CIITA: variants seen among roughly 807,000 people sequenced by gnomAD.
CIITA encodes the protein MHC class II transactivator.
A neutral mutation model predicts 115.1 loss-of-function variants in CIITA; 72 were observed. That is an observed-to-expected ratio of 0.63 (90% CI 0.52 to 0.76). The LOEUF (loss-of-function observed/expected upper bound fraction) is 0.76, where lower values mean the gene tolerates loss of function less well. Ranked by LOEUF, CIITA falls within the 30% of genes least tolerant of loss-of-function variation. The pLI is 0.00. For missense variants in CIITA, 1,617 were observed against 1,463.8 expected (o/e 1.10, Z -1.71); for synonymous variants, 763 against 635.6 (o/e 1.20, Z -3.02).
chr16:10,882,723 C>T (rs1385425104), intron 1 of CIITA, among the ~76,000 whole-genome samples: 1 of 152,000 alleles, frequency 6.6e-6, no homozygotes, highest in African/African-American at 2.4e-5. Context: ...CATGGTGAAA[C>T]ACCGTCTCTC....
intron 1 of CIITA, among the ~76,000 whole-genome samples, chr16:10,893,349 G>C (rs2037787580): frequency 6.6e-6 from 1 of 152,146 alleles, no homozygotes; most frequent in Non-Finnish European, 1.5e-5. Flanking sequence ...AGGAGCCTTA[G>C]AGCCACACAG....
At chr16:10,866,905 T>G (rs916600652) in intron 1 of CIITA, among the ~76,000 whole-genome samples, 3 of 152,186 alleles carry the variant, frequency 2.0e-5, no homozygotes, top group Non-Finnish European at 4.4e-5. Context: ...AGGGGTCTGC[T>G]GTCTAGTGGG....
rs573165189 is a variant in CIITA at position 10,868,784 on chromosome 16, G to A, written c.-21+2465G>A. 3.9e-5 allele frequency among the ~76,000 whole-genome samples: 6 copies of A among 152,268 alleles called. No homozygotes were observed. In the South Asian group the frequency reaches 1.0e-3, roughly 26 times the overall value. On this transcript the variant is annotated intron_variant, in intron 1 of 5. Coordinates refer to the CIITA transcript ENST00000636238. ...TATTTAACTCTGTTTCCTCCCTCGG[G>A]AGGTAATATATTTATTTCTGATCCC...
chr16:10,895,419 C>T lies in CIITA; in HGVS notation c.190C>T (p.Leu64Phe), dbSNP rs2144284508. The T allele has an allele frequency of 3.1e-6, 5 of 1,613,764 alleles. No individual in the cohort carries two copies. Among genetic ancestry groups the T allele is most frequent in the Non-Finnish European group, 4.2e-6 (5 of 1,180,010 alleles). Residue 64 changes from leucine to phenylalanine, a missense_variant, in exon 2 of 20, where the codon CTC becomes TTC. Leu to Phe is a conservative substitution (Grantham distance 22, BLOSUM62 0). Transcript: ENST00000324288. ...MDLAGEEEIELYSEPDTDTIN... is the reference protein window; with the variant it reads ...MDLAGEEEIEFYSEPDTDTIN... Reference sequence around the variant, plus strand: ...CCTGGCTGGAGAAGAAGAGATTGAGCTCTACTCAGGTGGGCCCTCCTCCCT... The same window carrying T: ...CCTGGCTGGAGAAGAAGAGATTGAGTTCTACTCAGGTGGGCCCTCCTCCCT...
chr16:10,885,095 T>G (rs1398633319), intron 1 of CIITA, among the ~76,000 whole-genome samples: 1 of 152,174 alleles, frequency 6.6e-6, no homozygotes, highest in African/African-American at 2.4e-5. Context: ...GTAACAATTG[T>G]GTGTACTCTA....
chr16:10,885,491 T>G (rs2143829406), intron 1 of CIITA, among the ~76,000 whole-genome samples: 1 of 152,326 alleles, frequency 6.6e-6, no homozygotes, highest in South Asian at 2.1e-4. Flanking sequence ...CCGTCTCCTG[T>G]GACCTCCTCG....
At chr16:10,909,269 C>T in intron 12 of CIITA, 82 bp downstream of exon 12, 2 of 1,441,922 alleles carry the variant, frequency 1.4e-6, no homozygotes, top group Non-Finnish European at 9.7e-7. Context: ...TTGTCATGGG[C>T]ATTTCCAGTG....
Position 10,895,418 on chromosome 16 carries a change from G to A in CIITA, c.189G>A (p.Glu63=). Residue 63 remains glutamate, a synonymous_variant, in exon 2 of 20, where the codon GAG becomes GAA. Coordinates refer to ENST00000324288, the MANE Select transcript of CIITA (RefSeq NM_000246.4). ...QMDLAGEEEI[E]LYSEPDTDTI... is the part of the protein sequence containing the mutation. ...ACCTGGCTGGAGAAGAAGAGATTGA[G>A]CTCTACTCAGGTGGGCCCTCCTCCC... The A allele has an allele frequency of 1.2e-6, 2 of 1,613,712 alleles. No individual in the cohort carries two copies. Among genetic ancestry groups the A allele is most frequent in the Non-Finnish European group, 8.5e-7 (1 of 1,180,026 alleles).
In CIITA at chr16:10,927,738, G is replaced by C. The variant is rs2040591718; in HGVS notation, c.*3883G>C. On this transcript the variant is annotated 3_prime_UTR_variant, in exon 20 of 20. Coordinates refer to ENST00000324288, the MANE Select transcript of CIITA (RefSeq NM_000246.4). ...TAACGCACAGTCATCGTAAGATGTG[G>C]ATAAATTACTGTCTCCGTGTCACAG... 6.6e-6 allele frequency: 1 copy of C among 152,180 alleles called. No individual in the cohort carries two copies. Among genetic ancestry groups the C allele is most frequent in the African/African-American group, 2.4e-5 (1 of 41,428 alleles). 9.4% of individuals were successfully genotyped at this position (152,180 alleles called of 1,614,324 possible). A position where few individuals can be genotyped will look rare whatever the true frequency, so the allele number is the denominator to read the frequency against.
chr16:10,918,547 C>G lies in CIITA; in HGVS notation c.3149+21C>G, dbSNP rs74430533. On this transcript the variant is annotated intron_variant, in intron 16 of 19. Coordinates refer to ENST00000324288, the MANE Select transcript of CIITA (RefSeq NM_000246.4). ...CTAAGGTGAGTGGGGCCCCGGATACCGGTCAGGTGCTGAGCTGGGGGGCTG... is the reference window on the plus strand; with the variant it reads ...CTAAGGTGAGTGGGGCCCCGGATACGGGTCAGGTGCTGAGCTGGGGGGCTG... 1.2e-5 allele frequency: 19 copies of G among 1,608,918 alleles called. No homozygotes were observed. In the African/African-American group the frequency reaches 2.0e-4, roughly 17 times the overall value.
intron 10 of CIITA, among the ~76,000 whole-genome samples, 162 bp downstream of exon 10, chr16:10,904,974 A>G (rs2039039332): frequency 6.6e-6 from 1 of 152,164 alleles, no homozygotes; most frequent in African/African-American, 2.4e-5. Context: ...TGATTATGCC[A>G]TCATTTCACC....
Position 10,903,736 on chromosome 16 carries a change from G to C in CIITA, c.778G>C (p.Val260Leu), listed in dbSNP as rs768584905. Residue 260 changes from valine to leucine, a missense_variant, in exon 9 of 20, where the codon GTG becomes CTG. Transcript: ENST00000324288. ...VSSIFIYHGEVPQASQVPPPS... is the reference protein window; with the variant it reads ...VSSIFIYHGELPQASQVPPPS... The stretch of plus-strand genomic sequence containing the variant: ...ACTCTCCACCCCCAATGTAGGTGAG[G>C]TGCCCCAGGCCAGCCAAGTACCCCC... 2 of 1,614,116 alleles carry C rather than the reference G, an allele frequency of 1.2e-6. No individual in the cohort carries two copies. The highest frequency in any genetic ancestry group is 2.2e-5 in the South Asian group (2 of 91,086).
chr16:10,912,625 T>C (rs376644284), intron 13 of CIITA, among the ~76,000 whole-genome samples: 61 of 152,336 alleles, frequency 4.0e-4, no homozygotes, highest in African/African-American at 1.4e-3. Flanking sequence ...CAGTGTCTCT[T>C]GTTTTGAACA....
Position 10,941,980 on chromosome 16 carries a change from T to C in CIITA, n.1106T>C. Reference sequence around the variant, plus strand: ...GACCAGGGGGCCCAGTGCGTCCAGGTGGGCCGCGACCCGGGCGCCGAGCAT... The same window carrying C: ...GACCAGGGGGCCCAGTGCGTCCAGGCGGGCCGCGACCCGGGCGCCGAGCAT... On this transcript the variant is annotated non_coding_transcript_exon_variant, in exon 2 of 2. Transcript: ENST00000573379. The surrounding 1 kb of genome is among the most constrained non-coding windows in gnomAD (Gnocchi z 6.4). The C allele has an allele frequency of 6.6e-7, 1 of 1,506,576 alleles. No homozygotes were observed. Among genetic ancestry groups the C allele is most frequent in the Non-Finnish European group, 8.9e-7 (1 of 1,127,542 alleles). 93.3% of individuals were successfully genotyped at this position (1,506,576 alleles called of 1,614,324 possible).
chr16:10,882,575 T>C (rs4781012), intron 1 of CIITA, among the ~76,000 whole-genome samples: 54,033 of 151,448 alleles, frequency 0.36, 11,069 homozygotes, highest in East Asian at 0.88. Flanking sequence ...GAAAAAAATA[T>C]ATAAATTAAT....
At chr16:10,911,004 T>C (rs7192621) in intron 13 of CIITA, among the ~76,000 whole-genome samples, 150,246 of 152,224 alleles carry the variant, frequency 0.99, 74,172 homozygotes, top group East Asian at 1. Flanking sequence ...GACAGTTGGT[T>C]GCTCTATGTG....
chr16:10,876,217 G>A (rs772103954), upstream of CIITA, among the ~76,000 whole-genome samples: 44 of 152,226 alleles, frequency 2.9e-4, no homozygotes, highest in Non-Finnish European at 5.6e-4. Context: ...GTGTCACTAT[G>A]TTGCCCAGGC....
Position 10,911,438 on chromosome 16 carries a change from CCTT to C in CIITA, c.2888+1183_2888+1185del, listed in dbSNP as rs1020129000. Among the ~76,000 whole-genome samples, 25 of 147,224 alleles carry C rather than the reference CCTT, an allele frequency of 1.7e-4. No homozygotes were observed. In the South Asian group the frequency reaches 3.5e-3, roughly 21 times the overall value. ...TATCTCTCTCTTTCTTTCTTTCTTT[CCTT>C]CTTTTCTTTCTTTCCTTTCTCTCCT... On this transcript the variant is annotated intron_variant, in intron 13 of 19. Coordinates refer to ENST00000324288, the MANE Select transcript of CIITA (RefSeq NM_000246.4).
Position 10,879,859 on chromosome 16 carries a change from C to A in CIITA, c.52+2477C>A, listed in dbSNP as rs552010901. Among the ~76,000 whole-genome samples, 1 of 152,138 alleles carries A rather than the reference C, an allele frequency of 6.6e-6. No homozygotes were observed. The highest frequency in any genetic ancestry group is 2.4e-5 in the African/African-American group (1 of 41,426). ...CTTAGTCTGGAACTCTTAAAAGCCG[C>A]GGTCCTCCTGAGTCCCACAGCCCCT... On this transcript the variant is annotated intron_variant, in intron 1 of 19. Coordinates refer to ENST00000324288, the MANE Select transcript of CIITA (RefSeq NM_000246.4). The surrounding 1 kb of genome is among the most constrained non-coding windows in gnomAD (Gnocchi z 4.3).
Sources: gnomAD v4.1 joint callset for allele counts (sites outside exome capture counted in the v4.1 genomes callset) on GRCh38, gnomAD v4.1.1 for gene constraint, Gnocchi (gnomAD v3.1) non-coding constraint, MANE v1.5 for transcripts, NCBI Gene and HGNC (gene_info 2026-07-23, HGNC 2026-07-21) for gene names.